The following RAB38 variants were observed in gnomAD, a reference collection of about 807,000 sequenced individuals.
RAB38 encodes RAB38, member RAS oncogene family, also known as ras-related protein Rab-38.
Under a neutral mutation model 18.4 loss-of-function variants are expected in RAB38, and 15 were observed. The ratio of observed to expected loss-of-function variants is 0.82; its 90% CI spans 0.55 to 1.26. The LOEUF is 1.26. Among genes scored for constraint, RAB38 ranks in the 50% most tolerant of loss-of-function variants. RAB38 has a pLI of 0.00. For synonymous variants in RAB38, 101 were observed against 104.4 expected (o/e 0.97, Z 0.20); for missense variants, 294 against 267.4 (o/e 1.10, Z -0.69).
chr11:87,906,017 C>T, the RAB38 span, among the ~76,000 whole-genome samples: 1 of 151,996 alleles, frequency 6.6e-6, no homozygotes. Context: ...GAGCTGAAAG[C>T]TGGGCAATCA....
At chr11:87,975,825 C>T in the RAB38 span, among the ~76,000 whole-genome samples, 1 of 151,458 alleles carries the variant, frequency 6.6e-6, no homozygotes, top group Non-Finnish European at 1.5e-5. Flanking sequence ...TAAATTGATA[C>T]ACCCATATCA....
At chr11:87,877,118 A>G in the RAB38 span, among the ~76,000 whole-genome samples, 6,942 of 151,578 alleles carry the variant, frequency 0.046, 362 homozygotes, top group African/African-American at 0.13. Flanking sequence ...CCTAAAGAAA[A>G]CAATATCATG....
chr11:87,811,361 G>A, the RAB38 span, among the ~76,000 whole-genome samples: 6 of 152,142 alleles, frequency 3.9e-5, no homozygotes, highest in African/African-American at 9.7e-5. Context: ...GCCAGCTGCC[G>A]AATTATCATT....
Position 88,129,415 on chromosome 11 carries a change from C to T in RAB38, c.484-15275G>A, listed in dbSNP as rs141460085. Among the ~76,000 whole-genome samples the T allele has an allele frequency of 5.9e-3, 895 of 152,096 alleles. 10 individuals are homozygous for T. The highest frequency in any genetic ancestry group is 0.02 in the African/African-American group (821 of 41,498). Reference sequence around the variant, plus strand: ...CAACACTTTGGGAGGCTGAAGTGGGCGGATCACTTGAGGTCAGGAATTCAA... The same window carrying T: ...CAACACTTTGGGAGGCTGAAGTGGGTGGATCACTTGAGGTCAGGAATTCAA... On this transcript the variant is annotated intron_variant, in intron 2 of 2. Coordinates refer to ENST00000243662, the MANE Select transcript of RAB38 (RefSeq NM_022337.3).
At chr11:88,030,893 C>T in the RAB38 span, among the ~76,000 whole-genome samples, 51 of 151,670 alleles carry the variant, frequency 3.4e-4, no homozygotes, top group Non-Finnish European at 5.6e-4. Context: ...CCAGCATCAT[C>T]CTGATACCAA....
the RAB38 span, among the ~76,000 whole-genome samples, chr11:88,035,436 A>G: frequency 6.6e-6 from 1 of 152,168 alleles, no homozygotes; most frequent in East Asian, 1.9e-4. Context: ...CTAATAGGAT[A>G]GATGTATACA....
the RAB38 span, among the ~76,000 whole-genome samples, chr11:87,908,405 G>A: frequency 1.3e-5 from 2 of 151,938 alleles, no homozygotes; most frequent in East Asian, 1.9e-4. Flanking sequence ...TAATGTGGGT[G>A]AACACTCCTT....
the RAB38 span, among the ~76,000 whole-genome samples, chr11:87,965,707 G>T: frequency 6.6e-6 from 1 of 152,148 alleles, no homozygotes; most frequent in Non-Finnish European, 1.5e-5. Flanking sequence ...TGAGCATTTT[G>T]ATATGCCCAA....
chr11:87,977,789 TTATA>T, the RAB38 span, among the ~76,000 whole-genome samples: 4 of 113,248 alleles, frequency 3.5e-5, no homozygotes, highest in African/African-American at 1.4e-4. Context: ...TATATCATAG[TTATA>T]TATATTATAG....
the RAB38 span, among the ~76,000 whole-genome samples, chr11:88,011,343 T>C: frequency 6.6e-6 from 1 of 152,246 alleles, no homozygotes; most frequent in African/African-American, 2.4e-5. Flanking sequence ...ATTTATAGTC[T>C]CATTTAATCT....
At chr11:87,853,144 G>A in the RAB38 span, among the ~76,000 whole-genome samples, 1 of 152,182 alleles carries the variant, frequency 6.6e-6, no homozygotes, top group Non-Finnish European at 1.5e-5. Context: ...CGTCTGGAAA[G>A]GTTTATGAAG....
intron 2 of RAB38, among the ~76,000 whole-genome samples, chr11:88,136,498 A>G (rs1389993732): frequency 6.6e-6 from 1 of 152,204 alleles, no homozygotes; most frequent in Non-Finnish European, 1.5e-5. Context: ...CCTTTCGAAA[A>G]CAAGGAAGCC....
At chr11:88,099,422 G>A in the RAB38 span, among the ~76,000 whole-genome samples, 1 of 151,742 alleles carries the variant, frequency 6.6e-6, no homozygotes, top group African/African-American at 2.4e-5. Context: ...TTTTCTTGAT[G>A]TGACACTCCG....
the RAB38 span, among the ~76,000 whole-genome samples, chr11:87,945,909 C>T: frequency 7.9e-5 from 12 of 152,116 alleles, no homozygotes; most frequent in Admixed American, 7.2e-4. Flanking sequence ...GGCACTATGA[C>T]AGGCTCTTCA....
At chr11:88,161,894 C>T (rs1943192510) in intron 1 of RAB38, among the ~76,000 whole-genome samples, 1 of 151,972 alleles carries the variant, frequency 6.6e-6, no homozygotes, top group South Asian at 2.1e-4. Flanking sequence ...GTCACAGAAC[C>T]ATCAGTAGAC....
the RAB38 span, among the ~76,000 whole-genome samples, chr11:88,083,040 C>T: frequency 2.4e-4 from 37 of 151,772 alleles, no homozygotes; most frequent in Non-Finnish European, 4.9e-4. Flanking sequence ...TCCTTAAGCA[C>T]GAATAGATAC....
the RAB38 span, among the ~76,000 whole-genome samples, chr11:88,005,016 G>A: frequency 1.3e-5 from 2 of 151,270 alleles, no homozygotes; most frequent in African/African-American, 4.8e-5. Context: ...CAATTTTCAT[G>A]AATTGGAAGG....
chr11:87,955,674 CTATCAATCAATCTTT>C, the RAB38 span, among the ~76,000 whole-genome samples: 1 of 138,760 alleles, frequency 7.2e-6, no homozygotes, highest in Non-Finnish European at 1.6e-5. Flanking sequence ...AATCATCTAT[CTATCAATCAATCTTT>C]CTATCATCTG....
the RAB38 span, among the ~76,000 whole-genome samples, chr11:88,080,876 AGG>A: frequency 6.7e-6 from 1 of 149,008 alleles, no homozygotes; most frequent in South Asian, 2.1e-4. Flanking sequence ...GGAGGGAGGG[AGG>A]AAGAGAAAGA....
Sources: allele counts gnomAD v4.1 joint callset (sites outside exome capture counted in the v4.1 genomes callset), GRCh38; gene constraint gnomAD v4.1.1; transcripts MANE v1.5; gene names NCBI Gene and HGNC (gene_info 2026-07-23, HGNC 2026-07-21).